Variants in PCDH9 observed in about 807,000 individuals in gnomAD.
PCDH9 encodes protocadherin 9, also known as protocadherin-9.
Under a neutral mutation model 70.6 loss-of-function variants are expected in PCDH9, and 24 were observed. The ratio of observed to expected loss-of-function variants is 0.34; its 90% CI spans 0.25 to 0.48. The LOEUF (loss-of-function observed/expected upper bound fraction) is 0.48, where lower values mean the gene tolerates loss of function less well. Among genes scored for constraint, PCDH9 ranks in the 20% least tolerant of loss-of-function variants. The probability of loss-of-function intolerance (pLI) is 0.99; values close to 1 mark genes in which losing one functional copy is unlikely to be tolerated. For missense variants in PCDH9, 1,281 were observed against 1,503.6 expected, an observed-to-expected ratio of 0.85 and a Z score of 2.45; for synonymous variants, 562 against 558.5, an observed-to-expected ratio of 1.01 and a Z score of -0.09.
intron 3 of PCDH9, among the ~76,000 whole-genome samples, chr13:66,872,710 A>G (rs578152558): frequency 6.6e-6 from 1 of 152,160 alleles, no homozygotes; most frequent in Non-Finnish European, 1.5e-5. Flanking sequence ...CAGGTATCCC[A>G]TAGGTCAAAT....
At chr13:66,849,651 C>T (rs2081283000) in intron 3 of PCDH9, among the ~76,000 whole-genome samples, 1 of 151,572 alleles carries the variant, frequency 6.6e-6, no homozygotes, top group Admixed American at 6.6e-5. Context: ...TAACATCCAG[C>T]CTCAGGGAAG....
At chr13:66,742,617 A>C (rs991530695) in intron 3 of PCDH9, among the ~76,000 whole-genome samples, 4 of 123,858 alleles carry the variant, frequency 3.2e-5, no homozygotes, top group African/African-American at 1.2e-4. Context: ...TAATATCCAG[A>C]ATCTACAATG....
intron 2 of PCDH9, chr13:67,216,538 T>G (rs1370000419): frequency 6.6e-6 from 1 of 151,312 alleles, no homozygotes; most frequent in Non-Finnish European, 1.5e-5. Flanking sequence ...GAAAAAGGCA[T>G]CAGTAAGAAA....
intron 2 of PCDH9, among the ~76,000 whole-genome samples, chr13:67,082,108 G>A (rs2085996704): frequency 6.6e-6 from 1 of 152,070 alleles, no homozygotes; most frequent in Non-Finnish European, 1.5e-5. Context: ...CATGTGATAA[G>A]AACATTTAAG....
chr13:67,022,801 A>G (rs1443662507), intron 2 of PCDH9, among the ~76,000 whole-genome samples: 1 of 138,792 alleles, frequency 7.2e-6, no homozygotes, highest in Non-Finnish European at 1.5e-5. Context: ...CCGTTAGAGA[A>G]AAAAAAAGAG....
chr13:67,126,550 T>A (rs530918544), intron 2 of PCDH9, among the ~76,000 whole-genome samples: 3 of 152,152 alleles, frequency 2.0e-5, no homozygotes, highest in Non-Finnish European at 4.4e-5. Context: ...GTTTCCTCCT[T>A]ATTTTAAAAA....
chr13:66,789,127 CA>C (rs1210834573), intron 3 of PCDH9, among the ~76,000 whole-genome samples: 7 of 152,130 alleles, frequency 4.6e-5, no homozygotes, highest in Admixed American at 1.3e-4. Flanking sequence ...ATGTCTGAAC[CA>C]AGACGTTTAT....
At chr13:67,037,220 T>C (rs557805988) in intron 2 of PCDH9, among the ~76,000 whole-genome samples, 18 of 152,302 alleles carry the variant, frequency 1.2e-4, no homozygotes, top group African/African-American at 4.3e-4. Context: ...TTAACTCCTT[T>C]TCAATTCTGG....
chr13:66,492,349 A>G (rs993936968), intron 4 of PCDH9, among the ~76,000 whole-genome samples: 3 of 151,412 alleles, frequency 2.0e-5, no homozygotes, highest in African/African-American at 7.3e-5. Context: ...CAATCAATAT[A>G]TATTAAAGCT....
intron 2 of PCDH9, among the ~76,000 whole-genome samples, chr13:66,983,068 T>C (rs539652481): frequency 1.3e-5 from 2 of 152,278 alleles, no homozygotes; most frequent in African/African-American, 2.4e-5. Flanking sequence ...CCACTCAGTG[T>C]AGAAGCTCAT....
At chr13:66,849,486 G>GTATATATATATATATA (rs144181181) in intron 3 of PCDH9, among the ~76,000 whole-genome samples, 1 of 90,264 alleles carries the variant, frequency 1.1e-5, no homozygotes, top group Non-Finnish European at 2.0e-5. Flanking sequence ...TCATAGGTAG[G>GTATATATATATATATA]TATATATATA....
At chr13:67,034,755 G>A (rs1566378061) in intron 2 of PCDH9, among the ~76,000 whole-genome samples, 1 of 150,696 alleles carries the variant, frequency 6.6e-6, no homozygotes, top group Non-Finnish European at 1.5e-5. Context: ...ACGAGAGTTT[G>A]GTGTACACAT....
At chr13:66,352,289 G>A (rs959708292) in intron 4 of PCDH9, among the ~76,000 whole-genome samples, 1 of 152,106 alleles carries the variant, frequency 6.6e-6, no homozygotes, top group Non-Finnish European at 1.5e-5. Context: ...CTAATTCAGA[G>A]GGTTTTTTGA....
At chr13:67,024,857 C>G (rs1475405834) in intron 2 of PCDH9, among the ~76,000 whole-genome samples, 1 of 152,012 alleles carries the variant, frequency 6.6e-6, no homozygotes, top group Non-Finnish European at 1.5e-5. Flanking sequence ...ATAACATTTT[C>G]TGATTTAACA....
intron 3 of PCDH9, among the ~76,000 whole-genome samples, chr13:66,678,560 G>A (rs557050498): frequency 1.3e-5 from 2 of 152,098 alleles, no homozygotes; most frequent in Admixed American, 6.6e-5. Flanking sequence ...AAGTTTCAGA[G>A]TGACTGAGTA....
At chr13:66,812,704 A>G (rs571473877) in intron 3 of PCDH9, among the ~76,000 whole-genome samples, 1 of 152,336 alleles carries the variant, frequency 6.6e-6, no homozygotes, top group African/African-American at 2.4e-5. Context: ...ATACATAACA[A>G]GGACTAATCT....
Position 66,462,024 on chromosome 13 carries a change from A to T in PCDH9, c.3341-156996T>A, listed in dbSNP as rs143409445. Among the ~76,000 whole-genome samples, 12 of 151,860 alleles carry T rather than the reference A, an allele frequency of 7.9e-5. No individual in the cohort carries two copies. The East Asian group carries it at 2.1e-3, about 27-fold the overall frequency. ...GTGCAACAAGCTGGAGCTAGTTCCT[A>T]CCAGCTTGAAAGAGCCAATTGTTTA... On this transcript the variant is annotated intron_variant, in intron 4 of 4. Coordinates refer to ENST00000377865, the MANE Select transcript of PCDH9 (RefSeq NM_203487.3).
intron 2 of PCDH9, among the ~76,000 whole-genome samples, chr13:66,948,840 T>C (rs1435976349): frequency 6.6e-6 from 1 of 152,096 alleles, no homozygotes; most frequent in African/African-American, 2.4e-5. Context: ...TTAAATTGTT[T>C]TCCATTTTTA....
intron 4 of PCDH9, among the ~76,000 whole-genome samples, chr13:66,431,844 T>C (rs577942603): frequency 1.8e-4 from 27 of 152,154 alleles, no homozygotes; most frequent in African/African-American, 6.5e-4. Context: ...TTAGGGTTTT[T>C]ATCTCATCAT....
Sources: gnomAD v4.1 joint callset for allele counts (sites outside exome capture counted in the v4.1 genomes callset) on GRCh38, gnomAD v4.1.1 for gene constraint, MANE v1.5 for transcripts, NCBI Gene and HGNC (gene_info 2026-07-23, HGNC 2026-07-21) for gene names.